The following MRPL1 variants were observed in gnomAD, a reference collection of about 807,000 sequenced individuals.
The protein encoded by MRPL1 is mitochondrial ribosomal protein L1.
MRPL1 carries 28 observed loss-of-function variants against 38.0 expected under a neutral mutation model. The ratio of observed to expected loss-of-function variants is 0.74; its 90% CI spans 0.55 to 1.01. The LOEUF is 1.01. MRPL1 is among the 50% of genes least tolerant of loss of function. MRPL1 has a pLI of 0.00. For missense variants in MRPL1, 358 were observed against 389.8 expected (o/e 0.92, Z 0.69); for synonymous variants, 123 against 126.7 (o/e 0.97, Z 0.20).
intron 2 of MRPL1, among the ~76,000 whole-genome samples, chr4:77,873,962 A>G (rs1225412057): frequency 3.3e-5 from 5 of 151,218 alleles, no homozygotes; most frequent in Non-Finnish European, 7.4e-5. Flanking sequence ...TTTTACATAA[A>G]TGGTAGTGTA....
At chr4:77,869,374 G>T (rs1351870936) in intron 1 of MRPL1, among the ~76,000 whole-genome samples, 2 of 152,126 alleles carry the variant, frequency 1.3e-5, no homozygotes, top group Non-Finnish European at 2.9e-5. Context: ...AAGGGGAAGA[G>T]AAATGTATTA....
At chr4:77,867,679 C>T (rs182321629) in intron 1 of MRPL1, among the ~76,000 whole-genome samples, 1 of 152,082 alleles carries the variant, frequency 6.6e-6, no homozygotes, top group African/African-American at 2.4e-5. Context: ...AGCGATCAAC[C>T]CGCCTTGGCT....
At chr4:77,895,172 T>C (rs996771004) in intron 6 of MRPL1, among the ~76,000 whole-genome samples, 3 of 152,262 alleles carry the variant, frequency 2.0e-5, no homozygotes, top group African/African-American at 7.2e-5. Flanking sequence ...CATAATCTGT[T>C]CTTTAGAGCT....
At chr4:77,865,292 A>G (rs1700484519) in intron 1 of MRPL1, among the ~76,000 whole-genome samples, 1 of 152,136 alleles carries the variant, frequency 6.6e-6, no homozygotes, top group Non-Finnish European at 1.5e-5. Flanking sequence ...CTACATCTCC[A>G]CTTTGATAGC....
chr4:77,952,195 C>T (rs893319437), intron 8 of MRPL1, among the ~76,000 whole-genome samples: 1 of 152,096 alleles, frequency 6.6e-6, no homozygotes, highest in Non-Finnish European at 1.5e-5. Context: ...ATAATTATTG[C>T]TTTTATTAAT....
chr4:77,921,369 G>A (rs1736573030), intron 7 of MRPL1, among the ~76,000 whole-genome samples: 1 of 152,152 alleles, frequency 6.6e-6, no homozygotes, highest in South Asian at 2.1e-4. Context: ...GTGTGTATGT[G>A]TGGCTATTAT....
At position 77,883,234 on chromosome 4, in the gene MRPL1, C is replaced by A. The variant is rs1463175792; in HGVS notation, c.144-8C>A. 2.0e-6 allele frequency: 3 copies of A among 1,508,626 alleles called. No individual in the cohort carries two copies. The highest frequency in any genetic ancestry group is 1.8e-6 in the Non-Finnish European group (2 of 1,127,170). 93.5% of individuals were successfully genotyped at this position (1,508,626 alleles called of 1,614,324 possible). A position where few individuals can be genotyped will look rare whatever the true frequency, so the allele number is the denominator to read the frequency against. ...TATTGATATAACTCAACTTTATTTT[C>A]TTTTAAGGTCTGCAAAGAAAACAAA... On this transcript the variant is annotated splice_polypyrimidine_tract_variant and splice_region_variant and intron_variant, in intron 2 of 8. Transcript: ENST00000315567.
At position 77,871,768 on chromosome 4, in the gene MRPL1, G is replaced by T. The variant is rs759462021; in HGVS notation, c.56G>T (p.Ser19Ile). Reference sequence around the variant, plus strand: ...GCCTTGATACATCATCAAAGGCATAGCCTTTCCAAGATGGTTTATCAGACA... The same window carrying T: ...GCCTTGATACATCATCAAAGGCATATCCTTTCCAAGATGGTTTATCAGACA... ...GRALIHHQRH[S>I]LSKMVYQTSL... The change falls in exon 2 of 9, where the codon AGC becomes ATC. Residue 19 changes from serine (S) to isoleucine (I), a missense_variant. Transcript: ENST00000315567. The T allele has an allele frequency of 6.3e-6, 10 of 1,585,552 alleles. No homozygotes were observed.
At chr4:77,910,363 C>T (rs901260462) in intron 7 of MRPL1, among the ~76,000 whole-genome samples, 4 of 152,176 alleles carry the variant, frequency 2.6e-5, no homozygotes, top group African/African-American at 7.2e-5. Context: ...GGGAATTCTG[C>T]ATTATAGCTA....
intron 7 of MRPL1, among the ~76,000 whole-genome samples, chr4:77,943,895 G>T (rs1488659176): frequency 2.6e-5 from 4 of 152,054 alleles, no homozygotes; most frequent in Non-Finnish European, 5.9e-5. Flanking sequence ...TTTCTTCTTG[G>T]TTTGGATCCA....
At chr4:77,863,162 C>T in intron 1 of MRPL1, 1 of 514,702 alleles carries the variant, frequency 1.9e-6, no homozygotes, top group South Asian at 2.9e-5. Context: ...GTCTCTGATA[C>T]TGGGGTGTGG....
At chr4:77,885,368 C>A (rs747508114) in intron 4 of MRPL1, 29 bp downstream of exon 4, 9 of 1,545,440 alleles carry the variant, frequency 5.8e-6, no homozygotes, top group East Asian at 2.2e-5. Flanking sequence ...CTATTTATAT[C>A]ATTTAATTTT....
chr4:77,922,341 A>G (rs548055912), intron 7 of MRPL1, among the ~76,000 whole-genome samples: 5 of 152,368 alleles, frequency 3.3e-5, no homozygotes, highest in African/African-American at 1.2e-4. Flanking sequence ...ATGGTTGAGG[A>G]CTAGCATAGC....
At chr4:77,863,171 G>A (rs1207442143) in intron 1 of MRPL1, among the ~76,000 whole-genome samples, 1 of 152,132 alleles carries the variant, frequency 6.6e-6, no homozygotes, top group Non-Finnish European at 1.5e-5. Context: ...ACTGGGGTGT[G>A]GGCTGCGGGT....
intron 7 of MRPL1, among the ~76,000 whole-genome samples, chr4:77,930,019 TA>T (rs1736809032): frequency 6.6e-6 from 1 of 152,114 alleles, no homozygotes; most frequent in Non-Finnish European, 1.5e-5. Context: ...TTCTGAAAAG[TA>T]AATAATAGCA....
chr4:77,925,026 A>G (rs751638334), intron 7 of MRPL1, among the ~76,000 whole-genome samples: 5 of 152,190 alleles, frequency 3.3e-5, no homozygotes, highest in Non-Finnish European at 7.3e-5. Context: ...ACACCCATAT[A>G]CTACTCATCA....
chr4:77,870,308 A>G (rs1735250888), intron 1 of MRPL1, among the ~76,000 whole-genome samples: 1 of 152,226 alleles, frequency 6.6e-6, no homozygotes, highest in African/African-American at 2.4e-5. Flanking sequence ...CTTGTATAGT[A>G]CAACTAGAAT....
At chr4:77,929,769 T>TAAAAA (rs386400570) in intron 7 of MRPL1, among the ~76,000 whole-genome samples, 1 of 150,080 alleles carries the variant, frequency 6.7e-6, no homozygotes. Context: ...GGGTTTTATT[T>TAAAAA]AAAAAAAAAA....
intron 7 of MRPL1, among the ~76,000 whole-genome samples, chr4:77,946,219 C>T (rs567544624): frequency 4.0e-4 from 61 of 152,216 alleles, no homozygotes; most frequent in African/African-American, 1.3e-3. Flanking sequence ...CCTACTTGCA[C>T]GTCCATTTAT....
Sources: allele counts gnomAD v4.1 joint callset (sites outside exome capture counted in the v4.1 genomes callset), GRCh38; gene constraint gnomAD v4.1.1; transcripts MANE v1.5; gene names NCBI Gene and HGNC (gene_info 2026-07-23, HGNC 2026-07-21).